The following RNF169 variants were observed in gnomAD, a reference collection of about 807,000 sequenced individuals.
RNF169 encodes the protein ring finger protein 169.
A neutral mutation model predicts 53.9 loss-of-function variants in RNF169; 24 were observed. The observed-to-expected ratio is 0.45, with a 90% CI of 0.32 to 0.63. The LOEUF is 0.63. RNF169 is among the 20% of genes least tolerant of loss of function. The pLI is 0.04. For missense variants in RNF169, 883 were observed against 906.2 expected (o/e 0.97, Z 0.33); for synonymous variants, 396 against 363.5 (o/e 1.09, Z -1.02).
intron 3 of RNF169, among the ~76,000 whole-genome samples, chr11:74,814,740 A>G (rs1489662890): frequency 6.6e-6 from 1 of 152,120 alleles, no homozygotes; most frequent in Admixed American, 6.5e-5. Flanking sequence ...CAGTGGTCTT[A>G]TAATATTCTT....
At chr11:74,750,729 C>T (rs2034876369) in intron 1 of RNF169, among the ~76,000 whole-genome samples, 1 of 150,576 alleles carries the variant, frequency 6.6e-6, no homozygotes. Context: ...CCGCAGCCTC[C>T]CGAGTAGCTG....
At chr11:74,752,832 T>G (rs1249639736) in intron 1 of RNF169, among the ~76,000 whole-genome samples, 1 of 152,166 alleles carries the variant, frequency 6.6e-6, no homozygotes, top group Non-Finnish European at 1.5e-5. Context: ...TGGTGGACAT[T>G]TTGATTGTTT....
At chr11:74,758,364 G>A (rs1441438448) in intron 1 of RNF169, among the ~76,000 whole-genome samples, 1 of 146,798 alleles carries the variant, frequency 6.8e-6, no homozygotes, top group Non-Finnish European at 1.5e-5. Context: ...CTATATCTCT[G>A]TTTTGGTACC....
intron 2 of RNF169, among the ~76,000 whole-genome samples, chr11:74,798,558 G>A (rs1038770130): frequency 2.0e-5 from 3 of 151,920 alleles, no homozygotes; most frequent in African/African-American, 4.8e-5. Context: ...ATTTCGCCTC[G>A]GTCCTGTGGT....
intron 3 of RNF169, among the ~76,000 whole-genome samples, chr11:74,812,236 C>G (rs2035885033): frequency 1.3e-5 from 2 of 152,006 alleles, no homozygotes; most frequent in Non-Finnish European, 1.5e-5. Context: ...ATGAATGTGT[C>G]AAGTTTTAGA....
chr11:74,767,980 C>G (rs2035200302), intron 1 of RNF169, among the ~76,000 whole-genome samples: 1 of 152,186 alleles, frequency 6.6e-6, no homozygotes, highest in South Asian at 2.1e-4. Context: ...TGCCCAGCCA[C>G]TGTCTTTGCT....
At chr11:74,791,614 T>C (rs1392594582) in intron 2 of RNF169, among the ~76,000 whole-genome samples, 1 of 152,126 alleles carries the variant, frequency 6.6e-6, no homozygotes, top group Non-Finnish European at 1.5e-5. Context: ...CCCAGCTGGG[T>C]AGTGACAGTG....
chr11:74,824,076 C>T (rs2036057664), intron 4 of RNF169, among the ~76,000 whole-genome samples: 1 of 152,044 alleles, frequency 6.6e-6, no homozygotes, highest in African/African-American at 2.4e-5. Context: ...CAAAGGAAGC[C>T]AAGACATTTG....
Position 74,836,077 on chromosome 11 carries a change from G to C in RNF169, c.1474G>C (p.Glu492Gln), listed in dbSNP as rs1416768855. ...ATTATCTGGTGGGCAGGTCCTCTCT[G>C]AGTATACTGGACCCACCTCTGCTGA... ...TRLSGGQVLSEYTGPTSADLD... is the reference protein window; with the variant it reads ...TRLSGGQVLSQYTGPTSADLD... The change falls in exon 6 of 6, where the codon GAG becomes CAG. Residue 492 changes from glutamate (E) to glutamine (Q), a missense_variant. By Grantham distance (29) the Glu-to-Gln change is conservative. Around this residue, in one of 3 missense-constraint regions of RNF169, gnomAD observed 351 missense variants for 337.3 expected, o/e 1.04. Coordinates refer to ENST00000299563, the MANE Select transcript of RNF169 (RefSeq NM_001098638.2). The C allele has an allele frequency of 1.1e-5, 18 of 1,614,064 alleles. No homozygotes were observed. Among genetic ancestry groups the C allele is most frequent in the African/African-American group, 2.7e-5 (2 of 74,932 alleles).
Position 74,836,188 on chromosome 11 carries a change from T to G in RNF169, c.1585T>G (p.Cys529Gly). The change falls in exon 6 of 6, where the codon TGC becomes GGC. Residue 529 changes from cysteine to glycine, a missense_variant. Transcript: ENST00000299563. ...KSSTEIPLETCCSSELKGGGS... is the reference protein window; with the variant it reads ...KSSTEIPLETGCSSELKGGGS... ...TAGCACTGAGATCCCACTGGAAACC[T>G]GCTGTTCCTCAGAACTCAAAGGGGG... 1 of 1,614,186 alleles carries G rather than the reference T, an allele frequency of 6.2e-7. No individual in the cohort carries two copies. Among genetic ancestry groups the G allele is most frequent in the South Asian group, 1.1e-5 (1 of 91,088 alleles).
Position 74,836,208 on chromosome 11 carries a change from A to AG in RNF169, c.1610dup (p.Gly538ArgfsTer12). 1 of 1,614,112 alleles carries AG rather than the reference A, an allele frequency of 6.2e-7. No individual in the cohort carries two copies. On this transcript the variant is annotated frameshift_variant, in exon 6 of 6. Coordinates refer to ENST00000299563, the MANE Select transcript of RNF169 (RefSeq NM_001098638.2). LOFTEE classifies it high-confidence loss of function. ...AAACCTGCTGTTCCTCAGAACTCAA[A>AG]GGGGGAGGCAGTGGGACTTCTTTGG...
intron 3 of RNF169, among the ~76,000 whole-genome samples, chr11:74,811,737 G>T (rs1185019887): frequency 6.6e-6 from 1 of 152,168 alleles, no homozygotes; most frequent in Non-Finnish European, 1.5e-5. Context: ...TTACAGGCAT[G>T]AAGTGTGTGT....
At chr11:74,803,469 T>TTTGAAATAGTGTGGCATGTATATATG in intron 2 of RNF169, among the ~76,000 whole-genome samples, 1 of 152,352 alleles carries the variant, frequency 6.6e-6, no homozygotes, top group African/African-American at 2.4e-5. Context: ...AAATGCCTTA[T>TTTGAAATAGTGTGGCATGTATATATG]TTGAAATAGT....
chr11:74,764,401 C>A (rs540687572), intron 1 of RNF169, among the ~76,000 whole-genome samples: 3 of 152,130 alleles, frequency 2.0e-5, no homozygotes, highest in African/African-American at 7.2e-5. Context: ...GGTGTGGTGG[C>A]GCATGCCTGT....
chr11:74,824,199 G>A (rs369434311), intron 4 of RNF169, among the ~76,000 whole-genome samples: 2 of 152,088 alleles, frequency 1.3e-5, no homozygotes, highest in African/African-American at 4.8e-5. Context: ...TCAGTAAAGA[G>A]ATAAAATTAT....
intron 4 of RNF169, among the ~76,000 whole-genome samples, chr11:74,823,573 TA>T (rs1444695674): frequency 6.6e-6 from 1 of 151,696 alleles, no homozygotes; most frequent in African/African-American, 2.4e-5. Context: ...TTGTCTCTAC[TA>T]AAAATTTTAA....
chr11:74,833,569 C>G (rs2036210030), intron 4 of RNF169, among the ~76,000 whole-genome samples: 1 of 152,026 alleles, frequency 6.6e-6, no homozygotes, highest in Non-Finnish European at 1.5e-5. Context: ...TTGTTGTGCC[C>G]TTTCACTGTA....
At position 74,775,367 on chromosome 11, in the gene RNF169, A is replaced by C. The variant is rs1591397137; in HGVS notation, c.503-14259A>C. 2.6e-5 allele frequency among the ~76,000 whole-genome samples: 4 copies of C among 152,104 alleles called. No homozygotes were observed. The East Asian group carries it at 7.7e-4, about 29-fold the overall frequency. On this transcript the variant is annotated intron_variant, in intron 1 of 5. Coordinates refer to ENST00000299563, the MANE Select transcript of RNF169 (RefSeq NM_001098638.2). The stretch of plus-strand genomic sequence containing the variant: ...TTTTTCTTTTTCTTTTTTTTGTTCT[A>C]GTCAAAGAGGAATATTTTTGGACAA...
rs1053522096 is a variant in RNF169 at position 74,838,789 on chromosome 11, A to C, written c.*2059A>C. The C allele has an allele frequency of 6.6e-6, 1 of 152,224 alleles. No individual in the cohort carries two copies. Among genetic ancestry groups the C allele is most frequent in the Admixed American group, 6.5e-5 (1 of 15,288 alleles). The allele number at this position is 152,224 out of a possible 1,614,324, so 9.4% of individuals were successfully genotyped here. A position where few individuals can be genotyped will look rare whatever the true frequency, so the allele number is the denominator to read the frequency against. The stretch of plus-strand genomic sequence containing the variant: ...GAGCTGGCTCTGGTTTACAGAAGAC[A>C]GGGAGGGTGACCTTACTATAAATGC... On this transcript the variant is annotated 3_prime_UTR_variant, in exon 6 of 6. Transcript: ENST00000299563.
Sources: allele counts gnomAD v4.1 joint callset (sites outside exome capture counted in the v4.1 genomes callset), GRCh38; gene constraint gnomAD v4.1.1; regional missense constraint gnomAD v4.1.1; transcripts MANE v1.5; gene names NCBI Gene and HGNC (gene_info 2026-07-23, HGNC 2026-07-21).